The following ZEB1 variants were observed in gnomAD, a reference collection of about 807,000 sequenced individuals.
ZEB1 encodes zinc finger E-box binding homeobox 1.
In ZEB1, 21 loss-of-function variants were observed where a neutral mutation model predicts 84.9. That is an observed-to-expected ratio of 0.25 (90% CI 0.18 to 0.36). The LOEUF (loss-of-function observed/expected upper bound fraction) is 0.36. Ranked by LOEUF, ZEB1 falls within the 10% of genes least tolerant of loss-of-function variation. The pLI, the probability that ZEB1 is intolerant of heterozygous loss-of-function variation, is 1.00. For missense variants in ZEB1, 1,104 were observed against 1,330.2 expected, an observed-to-expected ratio of 0.83 and a Z score of 2.65; for synonymous variants, 420 against 471.1, an observed-to-expected ratio of 0.89 and a Z score of 1.41.
At chr10:31,522,997 G>A (rs2072719872) in intron 7 of ZEB1, among the ~76,000 whole-genome samples, 2 of 152,166 alleles carry the variant, frequency 1.3e-5, no homozygotes, top group Admixed American at 6.5e-5. Context: ...CACGTGTCAC[G>A]TGACTAGATC....
At chr10:31,496,408 A>AG (rs1212108103) in intron 3 of ZEB1, among the ~76,000 whole-genome samples, 1 of 152,122 alleles carries the variant, frequency 6.6e-6, no homozygotes, top group African/African-American at 2.4e-5. Context: ...ATTTGCTTTT[A>AG]GGTGACTAAA....
At chr10:31,489,100 T>C (rs187429735) in intron 2 of ZEB1, among the ~76,000 whole-genome samples, 8 of 151,484 alleles carry the variant, frequency 5.3e-5, no homozygotes. Flanking sequence ...GATTTGTCTC[T>C]ACTTTTTGTT....
chr10:31,435,034 T>TA (rs1351185699), intron 1 of ZEB1, among the ~76,000 whole-genome samples: 1 of 152,176 alleles, frequency 6.6e-6, no homozygotes, highest in Non-Finnish European at 1.5e-5. Context: ...TTACATTACT[T>TA]AAAAAAAGAT....
intron 1 of ZEB1, among the ~76,000 whole-genome samples, chr10:31,325,729 T>C (rs1433223958): frequency 2.0e-4 from 31 of 152,038 alleles, no homozygotes; most frequent in Admixed American, 2.0e-3. Flanking sequence ...TAATTTCTTT[T>C]TATTGTTTTA....
intron 1 of ZEB1, among the ~76,000 whole-genome samples, chr10:31,343,047 C>T (rs934246207): frequency 6.6e-6 from 1 of 152,154 alleles, no homozygotes; most frequent in Admixed American, 6.6e-5. Context: ...ACAAAATGCA[C>T]TTGCTCTTCT....
In ZEB1 at chr10:31,502,355, T is replaced by G; in HGVS notation, c.330T>G (p.Asp110Glu). The stretch of plus-strand genomic sequence containing the variant: ...AGTATGCATTTTTTTTAGTAAAAGA[T>G]GATGAATGCGAGTCAGATGCAGAAA... The part of the protein sequence containing the change: ...QADEAGCTVK[D>E]DECESDAENE... The change falls in exon 4 of 9, where the codon GAT becomes GAG. Residue 110 changes from aspartate (D) to glutamate (E), a missense_variant. By Grantham distance (45) the Asp-to-Glu change is conservative (BLOSUM62 2). Transcript: ENST00000424869. The G allele has an allele frequency of 1.9e-6, 3 of 1,613,736 alleles. No homozygotes were observed. The South Asian group carries it at 3.3e-5, about 18-fold the overall frequency.
chr10:31,391,727 A>G (rs1277436826), intron 1 of ZEB1, among the ~76,000 whole-genome samples: 2 of 152,212 alleles, frequency 1.3e-5, no homozygotes, highest in Non-Finnish European at 2.9e-5. Context: ...TTCTGAAACC[A>G]TAATTTAAAG....
chr10:31,384,334 A>G (rs1333104230), intron 1 of ZEB1, among the ~76,000 whole-genome samples: 1 of 152,182 alleles, frequency 6.6e-6, no homozygotes, highest in Admixed American at 6.5e-5. Flanking sequence ...TAATCAATCC[A>G]TGACTAAATG....
chr10:31,390,952 A>G (rs1369670286), intron 1 of ZEB1, among the ~76,000 whole-genome samples: 3 of 152,066 alleles, frequency 2.0e-5, no homozygotes, highest in East Asian at 1.9e-4. Context: ...CTCAAGTGCT[A>G]TAGAAGAGAC....
chr10:31,528,307 T>TC lies in ZEB1; in HGVS notation c.*1044dup, dbSNP rs1407417430. The TC allele has an allele frequency of 6.6e-6, 1 of 152,214 alleles. No individual in the cohort carries two copies. Among genetic ancestry groups the TC allele is most frequent in the Non-Finnish European group, 1.5e-5 (1 of 68,026 alleles). The allele number at this position is 152,214 out of a possible 1,614,324, so 9.4% of individuals were successfully genotyped here. A position where few individuals can be genotyped will look rare whatever the true frequency, so the allele number is the denominator to read the frequency against. On this transcript the variant is annotated 3_prime_UTR_variant, in exon 9 of 9. Coordinates refer to ENST00000424869, the MANE Select transcript of ZEB1 (RefSeq NM_001174096.2). The stretch of plus-strand genomic sequence containing the variant: ...CTGAAACACTGGGACATTTCATCCT[T>TC]CAATTCCTCGGTATTGATTTTATGT...
chr10:31,365,736 A>G (rs1441504093), intron 1 of ZEB1, among the ~76,000 whole-genome samples: 1 of 152,222 alleles, frequency 6.6e-6, no homozygotes, highest in Admixed American at 6.5e-5. Flanking sequence ...AAAATTGCTT[A>G]TTAAAATTTT....
chr10:31,452,837 C>A (rs2060776671), intron 1 of ZEB1, among the ~76,000 whole-genome samples: 1 of 150,822 alleles, frequency 6.6e-6, no homozygotes, highest in Non-Finnish European at 1.5e-5. Context: ...GTCAGTGTTT[C>A]CACCGATCTT....
intron 1 of ZEB1, among the ~76,000 whole-genome samples, chr10:31,449,882 C>G (rs2060336381): frequency 6.6e-6 from 1 of 152,166 alleles, no homozygotes; most frequent in Non-Finnish European, 1.5e-5. Flanking sequence ...CTATTTTCAT[C>G]ATTGTGATAA....
At position 31,319,344 on chromosome 10, in the gene ZEB1, C is replaced by G. The variant is rs758021857; in HGVS notation, c.58+52C>G. 4.5e-6 allele frequency: 7 copies of G among 1,571,006 alleles called. No individual in the cohort carries two copies. The Admixed American group carries it at 1.3e-4, about 29-fold the overall frequency. The stretch of plus-strand genomic sequence containing the variant: ...GGCGGAGTCAGGGGGAGCTGGGCAG[C>G]CGGGGCGCCCCCGGGGGTGAGGGGG... On this transcript the variant is annotated intron_variant, in intron 1 of 8. Transcript: ENST00000424869.
intron 5 of ZEB1, among the ~76,000 whole-genome samples, chr10:31,514,034 A>G (rs2070607460): frequency 6.6e-6 from 1 of 152,130 alleles, no homozygotes; most frequent in Non-Finnish European, 1.5e-5. Flanking sequence ...ACAGAAAGCT[A>G]TTATAATAAT....
intron 1 of ZEB1, among the ~76,000 whole-genome samples, chr10:31,399,046 G>A (rs1257279544): frequency 6.7e-6 from 1 of 148,470 alleles, no homozygotes; most frequent in Admixed American, 6.7e-5. Flanking sequence ...GCTGGAGTGA[G>A]TGCAATGGCA....
intron 2 of ZEB1, among the ~76,000 whole-genome samples, chr10:31,477,292 A>G (rs561084108): frequency 4.6e-5 from 7 of 152,034 alleles, no homozygotes; most frequent in Non-Finnish European, 1.0e-4. Context: ...TATCCCATTT[A>G]CAGTAGTCAC....
chr10:31,487,280 A>C (rs2065873696), intron 2 of ZEB1, among the ~76,000 whole-genome samples: 1 of 151,452 alleles, frequency 6.6e-6, no homozygotes, highest in Non-Finnish European at 1.5e-5. Context: ...TATTTATATT[A>C]AAAATAATCA....
intron 1 of ZEB1, among the ~76,000 whole-genome samples, chr10:31,425,500 G>T (rs2056812915): frequency 6.6e-6 from 1 of 151,978 alleles, no homozygotes; most frequent in Admixed American, 6.6e-5. Context: ...AAAGGTTAGA[G>T]AAATAAAAGT....
Sources: gnomAD v4.1 joint callset for allele counts (sites outside exome capture counted in the v4.1 genomes callset) on GRCh38, gnomAD v4.1.1 for gene constraint, MANE v1.5 for transcripts, NCBI Gene and HGNC (gene_info 2026-07-23, HGNC 2026-07-21) for gene names.